RPH3A: variants seen among roughly 807,000 people sequenced by gnomAD.
RPH3A encodes the protein rabphilin 3A, also known as rabphilin-3A.
RPH3A carries 48 observed loss-of-function variants against 102.2 expected under a neutral mutation model. That is an observed-to-expected ratio of 0.47 (90% confidence interval 0.37 to 0.60). The LOEUF (loss-of-function observed/expected upper bound fraction) is 0.60, where lower values mean the gene tolerates loss of function less well. RPH3A is among the 20% of genes least tolerant of loss of function. The probability of loss-of-function intolerance (pLI) is 0.00; values close to 1 mark genes in which losing one functional copy is unlikely to be tolerated. For synonymous variants in RPH3A, 310 were observed against 324.3 expected, an observed-to-expected ratio of 0.96 and a Z score of 0.47; for missense variants, 781 against 910.1, an observed-to-expected ratio of 0.86 and a Z score of 1.83.
chr12:112,704,757 G>A (rs904106750), intron 1 of RPH3A, among the ~76,000 whole-genome samples: 1 of 152,112 alleles, frequency 6.6e-6, no homozygotes, highest in Non-Finnish European at 1.5e-5. Context: ...AATTTATTTG[G>A]CTAAGAATCT....
intron 1 of RPH3A, among the ~76,000 whole-genome samples, chr12:112,576,909 C>CTTTTTTTTTTTTTT (rs3036138): frequency 2.6e-5 from 3 of 114,602 alleles, no homozygotes; most frequent in Admixed American, 9.7e-5. Flanking sequence ...TCTTTTCTTC[C>CTTTTTTTTTTTTTT]TTTTTTTTTT....
chr12:112,730,888 A>C (rs991701273), intron 1 of RPH3A, among the ~76,000 whole-genome samples: 2 of 152,180 alleles, frequency 1.3e-5, no homozygotes, highest in Non-Finnish European at 2.9e-5. Flanking sequence ...CCATTGTTCC[A>C]GGGCTGGCTT....
In RPH3A at chr12:112,747,801, T is replaced by C. The variant is rs144607790; in HGVS notation, c.-139-44342T>C. On this transcript the variant is annotated intron_variant, in intron 1 of 21. Transcript: ENST00000543106. Reference sequence around the variant, plus strand: ...CAGGAATATAGAAGTTTATTTCTTTTATGTGAAACAGTCCAGGGTGACTGC... The same window carrying C: ...CAGGAATATAGAAGTTTATTTCTTTCATGTGAAACAGTCCAGGGTGACTGC... 4.7e-3 allele frequency among the ~76,000 whole-genome samples: 713 copies of C among 152,340 alleles called. 3 individuals carry two copies. The highest frequency in any genetic ancestry group is 0.015 in the African/African-American group (641 of 41,572).
At chr12:112,701,977 C>T (rs549761062) in intron 1 of RPH3A, among the ~76,000 whole-genome samples, 2 of 152,280 alleles carry the variant, frequency 1.3e-5, no homozygotes, top group African/African-American at 4.8e-5. Context: ...TCCATTTTTG[C>T]GATTAAGAGC....
intron 1 of RPH3A, among the ~76,000 whole-genome samples, chr12:112,613,429 G>A (rs2039654337): frequency 6.6e-6 from 1 of 152,140 alleles, no homozygotes; most frequent in Admixed American, 6.5e-5. Context: ...AGCTATGGTT[G>A]ATGGAGTAAT....
chr12:112,690,376 T>C (rs61942317), intron 1 of RPH3A, among the ~76,000 whole-genome samples: 2,906 of 152,188 alleles, frequency 0.019, 63 homozygotes, highest in Non-Finnish European at 0.024. Context: ...TGCAAAGGAG[T>C]GCACACGAAA....
chr12:112,722,959 A>T (rs539262235), intron 1 of RPH3A, among the ~76,000 whole-genome samples: 1 of 152,336 alleles, frequency 6.6e-6, no homozygotes, highest in African/African-American at 2.4e-5. Context: ...ACCTTAACTG[A>T]TATCAGTGTC....
At position 112,838,369 on chromosome 12, in the gene RPH3A, C is replaced by T. The variant is rs557554049; in HGVS notation, c.83+1867C>T. ...GTTGGCATTCTGAGGATGTGGGGGA[C>T]CCACAGCATCCCTTCTGCACTCCCA... On this transcript the variant is annotated intron_variant, in intron 4 of 21. Coordinates refer to ENST00000389385, the MANE Select transcript of RPH3A (RefSeq NM_001143854.2). Among the ~76,000 whole-genome samples the T allele has an allele frequency of 3.9e-5, 6 of 152,366 alleles. No individual in the cohort carries two copies. The East Asian group carries it at 1.2e-3, about 29-fold the overall frequency.
chr12:112,815,164 C>T (rs1345973971), intron 2 of RPH3A, among the ~76,000 whole-genome samples: 1 of 152,138 alleles, frequency 6.6e-6, no homozygotes, highest in Non-Finnish European at 1.5e-5. Flanking sequence ...GGGCCAGGAG[C>T]CTGCTGGTGC....
At chr12:112,757,661 A>T (rs1235727062) in intron 1 of RPH3A, among the ~76,000 whole-genome samples, 1 of 152,218 alleles carries the variant, frequency 6.6e-6, no homozygotes, top group East Asian at 1.9e-4. Context: ...ATATCAATTA[A>T]ACATAATAAA....
chr12:112,696,390 G>C (rs753655357), intron 1 of RPH3A, among the ~76,000 whole-genome samples: 3 of 152,136 alleles, frequency 2.0e-5, no homozygotes, highest in Non-Finnish European at 4.4e-5. Context: ...TCTGCTTTTA[G>C]TTCTTTAAGA....
intron 4 of RPH3A, 101 bp from the exon 5 acceptor site, chr12:112,847,595 A>C: frequency 7.8e-7 from 1 of 1,282,704 alleles, no homozygotes; most frequent in Non-Finnish European, 1.1e-6. Context: ...TCTGAGAGAG[A>C]TGATCCTTTT....
chr12:112,661,173 C>A (rs776035416), intron 1 of RPH3A, among the ~76,000 whole-genome samples: 66 of 152,078 alleles, frequency 4.3e-4, no homozygotes, highest in Non-Finnish European at 8.2e-4. Flanking sequence ...CCATGCTGTA[C>A]CCACTCTTAT....
intron 1 of RPH3A, among the ~76,000 whole-genome samples, chr12:112,635,897 A>G (rs2039845013): frequency 6.6e-6 from 1 of 152,170 alleles, no homozygotes; most frequent in Non-Finnish European, 1.5e-5. Flanking sequence ...AGGTGCCACT[A>G]ATGTTAGTAA....
chr12:112,700,929 C>G (rs2040389185), intron 1 of RPH3A, among the ~76,000 whole-genome samples: 1 of 152,186 alleles, frequency 6.6e-6, no homozygotes, highest in Non-Finnish European at 1.5e-5. Context: ...GCACAGCCCT[C>G]TCTCCCATAC....
At chr12:112,799,638 C>A (rs2041301724) in intron 2 of RPH3A, among the ~76,000 whole-genome samples, 1 of 152,158 alleles carries the variant, frequency 6.6e-6, no homozygotes, top group Non-Finnish European at 1.5e-5. Flanking sequence ...AGGCCTTTCC[C>A]TCAGAGCTCA....
chr12:112,860,998 T>C (rs1762796905), intron 5 of RPH3A, among the ~76,000 whole-genome samples: 1 of 152,238 alleles, frequency 6.6e-6, no homozygotes, highest in Non-Finnish European at 1.5e-5. Flanking sequence ...AAACTGTTTT[T>C]TTAAAACCCT....
intron 1 of RPH3A, among the ~76,000 whole-genome samples, chr12:112,699,929 T>C (rs550903903): frequency 1.9e-4 from 29 of 152,352 alleles, no homozygotes; most frequent in African/African-American, 6.7e-4. Context: ...TTTCATGATC[T>C]CTAATGCCTA....
intron 1 of RPH3A, chr12:112,695,251 G>T (rs528000332): frequency 6.0e-6 from 1 of 167,722 alleles, no homozygotes; most frequent in South Asian, 2.1e-4. Flanking sequence ...AAGATAACTG[G>T]TATTGCTTCT....
Sources: allele counts gnomAD v4.1 joint callset (sites outside exome capture counted in the v4.1 genomes callset), GRCh38; gene constraint gnomAD v4.1.1; transcripts MANE v1.5; gene names NCBI Gene and HGNC (gene_info 2026-07-23, HGNC 2026-07-21).